Variants in NHSL1 observed in about 807,000 individuals in gnomAD.
The protein encoded by NHSL1 is NHS-like protein 1.
In NHSL1, 48 loss-of-function variants were observed where a neutral mutation model predicts 95.0. The ratio of observed to expected loss-of-function variants is 0.51; its 90% CI spans 0.40 to 0.64. The LOEUF (loss-of-function observed/expected upper bound fraction) is 0.64, where lower values mean the gene tolerates loss of function less well. Ranked by LOEUF, NHSL1 falls within the 30% of genes least tolerant of loss-of-function variation. NHSL1 has a pLI of 0.00. For synonymous variants in NHSL1, 783 were observed against 833.9 expected (o/e 0.94, Z 1.05); for missense variants, 1,971 against 2,077.7 (o/e 0.95, Z 1.00).
At chr6:138,556,046 G>A (rs1340256419) in intron 1 of NHSL1, among the ~76,000 whole-genome samples, 4 of 151,690 alleles carry the variant, frequency 2.6e-5, no homozygotes, top group African/African-American at 9.7e-5. Flanking sequence ...AACTCTACTT[G>A]GATCCCTTCA....
chr6:138,635,069 T>C (rs1351200849), intron 1 of NHSL1, among the ~76,000 whole-genome samples: 2 of 148,934 alleles, frequency 1.3e-5, no homozygotes, highest in African/African-American at 4.9e-5. Flanking sequence ...CTACCTCAAG[T>C]ACCTACATTA....
chr6:138,625,120 C>T (rs893503379), intron 1 of NHSL1, among the ~76,000 whole-genome samples: 2 of 151,098 alleles, frequency 1.3e-5, no homozygotes, highest in Non-Finnish European at 2.9e-5. Flanking sequence ...CATCAATTAA[C>T]ACTTTTTTGT....
chr6:138,483,862 C>T (rs1056608150), intron 2 of NHSL1, among the ~76,000 whole-genome samples: 18 of 152,160 alleles, frequency 1.2e-4, no homozygotes, highest in African/African-American at 4.3e-4. Flanking sequence ...ATTTGTTGGA[C>T]AGTAGCGTGC....
intron 1 of NHSL1, among the ~76,000 whole-genome samples, chr6:138,558,185 C>A (rs980397170): frequency 1.3e-5 from 2 of 151,364 alleles, no homozygotes; most frequent in Non-Finnish European, 2.9e-5. Flanking sequence ...TGCAGTGGTG[C>A]GGACTCGGCT....
At chr6:138,517,466 C>T (rs936893490) in intron 1 of NHSL1, among the ~76,000 whole-genome samples, 2 of 152,132 alleles carry the variant, frequency 1.3e-5, no homozygotes, top group Non-Finnish European at 2.9e-5. Context: ...TGAAGTATCA[C>T]ATACATTCTG....
At chr6:138,591,020 G>C (rs543133073) in intron 1 of NHSL1, among the ~76,000 whole-genome samples, 1 of 152,084 alleles carries the variant, frequency 6.6e-6, no homozygotes, top group Non-Finnish European at 1.5e-5. Flanking sequence ...CATTGATCTC[G>C]GGCAATCCTC....
At position 138,545,705 on chromosome 6, in the gene NHSL1, T is replaced by G. The variant is rs1782764731; in HGVS notation, c.-67A>C. On this transcript the variant is annotated 5_prime_UTR_variant, in exon 1 of 5. Transcript: ENST00000342260. ...TGAAGCCTGCAGTGCTAGGCACAGC[T>G]GTCTCCCAGCCCACCTCCTCAGCGC... 16 of 1,282,852 alleles carry G rather than the reference T, an allele frequency of 1.2e-5. No individual in the cohort carries two copies. In the South Asian group the frequency reaches 2.0e-4, roughly 16 times the overall value. 79.5% of individuals were successfully genotyped at this position (1,282,852 alleles called of 1,614,324 possible). A position where few individuals can be genotyped will look rare whatever the true frequency, so the allele number is the denominator to read the frequency against.
chr6:138,591,410 C>G (rs1370238969), intron 1 of NHSL1, among the ~76,000 whole-genome samples: 1 of 152,104 alleles, frequency 6.6e-6, no homozygotes, highest in Non-Finnish European at 1.5e-5. Flanking sequence ...CATAAGTTTT[C>G]TCTTTTTTTC....
At chr6:138,636,122 C>CA (rs199791161) in intron 1 of NHSL1, among the ~76,000 whole-genome samples, 7,028 of 89,474 alleles carry the variant, frequency 0.079, 259 homozygotes, top group Non-Finnish European at 0.1. Flanking sequence ...GACTCTGTCT[C>CA]AAAAAAAAAA....
chr6:138,555,750 A>G (rs1207701359), intron 1 of NHSL1, among the ~76,000 whole-genome samples: 1 of 152,146 alleles, frequency 6.6e-6, no homozygotes, highest in African/African-American at 2.4e-5. Flanking sequence ...CGCTTCCAAA[A>G]CCTGCTCTGT....
upstream of NHSL1, among the ~76,000 whole-genome samples, chr6:138,548,271 A>T (rs58711148): frequency 0.058 from 8,772 of 152,278 alleles, 853 homozygotes; most frequent in African/African-American, 0.2. Flanking sequence ...GGCGTGAGCC[A>T]CTGCACCTGG....
At chr6:138,670,747 T>G (rs1213046002) in intron 1 of NHSL1, among the ~76,000 whole-genome samples, 1 of 150,080 alleles carries the variant, frequency 6.7e-6, no homozygotes, top group Non-Finnish European at 1.5e-5. Flanking sequence ...AAAAGCAGGA[T>G]GTTATATAAA....
At chr6:138,457,669 C>G (rs1334950348) in intron 3 of NHSL1, among the ~76,000 whole-genome samples, 2 of 152,148 alleles carry the variant, frequency 1.3e-5, no homozygotes, top group African/African-American at 4.8e-5. Flanking sequence ...CACCCCTCCC[C>G]TCAACACCTA....
chr6:138,647,949 C>T (rs150030182), intron 1 of NHSL1, among the ~76,000 whole-genome samples: 10 of 152,176 alleles, frequency 6.6e-5, no homozygotes, highest in African/African-American at 2.2e-4. Flanking sequence ...TAAATTGTTG[C>T]CAAATTTTTC....
intron 1 of NHSL1, chr6:138,650,347 G>A (rs993528698): frequency 3.0e-5 from 32 of 1,053,252 alleles, no homozygotes; most frequent in South Asian, 1.3e-4. Context: ...GGGGAGTAAC[G>A]GGGGAGCCCA....
Position 138,424,346 on chromosome 6 carries a change from C to A in NHSL1, c.4556G>T (p.Ser1519Ile). 6.5e-7 allele frequency: 1 copy of A among 1,546,044 alleles called. No individual in the cohort carries two copies. The highest frequency in any genetic ancestry group is 8.7e-7 in the Non-Finnish European group (1 of 1,143,852). The change falls in exon 8 of 8, where the codon AGC becomes ATC. Residue 1519 changes from serine to isoleucine, a missense_variant. Ser to Ile is a moderately radical substitution (Grantham distance 142). Coordinates refer to ENST00000343505, the MANE Select transcript of NHSL1 (RefSeq NM_001144060.2). This position sits in a 1 kb window ranked among gnomAD's most constrained non-coding sequence, Gnocchi z 5.9. ...SRYSMRNRIQ[S>I]SPMTVISEGE... ...CTCCGAGATGACGGTCATGGGGCTG[C>A]TCTGGATCCGGTTCCGCATGCTGTA...
chr6:138,517,082 C>G (rs1185631071), intron 1 of NHSL1, among the ~76,000 whole-genome samples: 1 of 152,206 alleles, frequency 6.6e-6, no homozygotes, highest in Non-Finnish European at 1.5e-5. Context: ...AACAGTCTAT[C>G]TTCTGCACAA....
At chr6:138,556,958 ACAAT>A (rs1364812901) in intron 1 of NHSL1, among the ~76,000 whole-genome samples, 2 of 152,224 alleles carry the variant, frequency 1.3e-5, no homozygotes, top group African/African-American at 2.4e-5. Flanking sequence ...AAAGAGAGTG[ACAAT>A]CAACAAGTAA....
In NHSL1 at chr6:138,677,063, A is replaced by G. The variant is rs930700870; in HGVS notation, c.96+15413T>C. 2.6e-5 allele frequency among the ~76,000 whole-genome samples: 4 copies of G among 152,376 alleles called. No homozygotes were observed. In the South Asian group the frequency reaches 6.2e-4, roughly 24 times the overall value. ...GATGGACAGGTTACAGAAGTAAGTA[A>G]TAAATTATAAAGCTGAATTAGGTAA... On this transcript the variant is annotated intron_variant, in intron 1 of 3. Coordinates refer to the NHSL1 transcript ENST00000491526.
Sources: allele counts gnomAD v4.1 joint callset (sites outside exome capture counted in the v4.1 genomes callset), GRCh38; gene constraint gnomAD v4.1.1; non-coding constraint Gnocchi (gnomAD v3.1); transcripts MANE v1.5; gene names NCBI Gene and HGNC (gene_info 2026-07-23, HGNC 2026-07-21).